KIFC3: variants seen among roughly 807,000 people sequenced by gnomAD.
KIFC3 encodes the protein kinesin family member C3.
In KIFC3, 60 loss-of-function variants were observed where a neutral mutation model predicts 101.8. The observed-to-expected ratio is 0.59, with a 90% CI of 0.48 to 0.73. The LOEUF is 0.73. Ranked by LOEUF, KIFC3 falls within the 30% of genes least tolerant of loss-of-function variation. The probability of loss-of-function intolerance (pLI) is 0.00; values close to 1 mark genes in which losing one functional copy is unlikely to be tolerated. For synonymous variants in KIFC3, 476 were observed against 482.7 expected, an observed-to-expected ratio of 0.99 and a Z score of 0.18; for missense variants, 966 against 1,137.1, an observed-to-expected ratio of 0.85 and a Z score of 2.16.
chr16:57,805,927 C>T (rs927509862), upstream of KIFC3, among the ~76,000 whole-genome samples: 7 of 152,078 alleles, frequency 4.6e-5, no homozygotes, highest in South Asian at 4.1e-4. Context: ...TTAGTAGAGA[C>T]GGGGTTTTGC....
chr16:57,830,700 G>A (rs946681046), intron 1 of KIFC3: 1 of 152,200 alleles, frequency 6.6e-6, no homozygotes, highest in African/African-American at 2.4e-5. Context: ...AAGGATGGTA[G>A]TGAGAATTGG....
intron 1 of KIFC3, among the ~76,000 whole-genome samples, chr16:57,825,539 A>G (rs2055440833): frequency 6.6e-6 from 1 of 152,146 alleles, no homozygotes; most frequent in Non-Finnish European, 1.5e-5. Context: ...CACCTTCCTA[A>G]TTTAGAGTGG....
intron 3 of KIFC3, among the ~76,000 whole-genome samples, chr16:57,789,817 A>C (rs2053693986): frequency 6.6e-6 from 1 of 151,372 alleles, no homozygotes; most frequent in African/African-American, 2.4e-5. Context: ...GCTCACTGCA[A>C]TCTCTGCCTC....
chr16:57,771,628 C>A lies in KIFC3; in HGVS notation c.440G>T (p.Arg147Met). ...DLLMVENERL[R>M]QEMRRCEAEL... is the part of the protein sequence containing the mutation. ...GGCCTCACAGCGCCGCATCTCCTGC[C>A]TCAGTCGCTCATTCTCCACCATCAG... Residue 147 changes from arginine to methionine, a missense_variant, in exon 5 of 20, where the codon AGG (arginine) becomes ATG (methionine). Around this residue, in one of 2 missense-constraint regions of KIFC3, gnomAD observed 277 missense variants for 252.5 expected, o/e 1.10. Coordinates refer to ENST00000445690, the MANE Select transcript of KIFC3 (RefSeq NM_001130100.2). 1 of 1,613,322 alleles carries A rather than the reference C, an allele frequency of 6.2e-7. No individual in the cohort carries two copies. The highest frequency in any genetic ancestry group is 8.5e-7 in the Non-Finnish European group (1 of 1,179,946).
At chr16:57,835,716 G>A (rs80092731) in intron 1 of KIFC3, among the ~76,000 whole-genome samples, 8,125 of 152,206 alleles carry the variant, frequency 0.053, 506 homozygotes, top group East Asian at 0.21. Context: ...TCGGGAGGCC[G>A]AGGCAGGCAG....
chr16:57,797,741 C>T lies in KIFC3; in HGVS notation c.172+331G>A, dbSNP rs2149216192. On this transcript the variant is annotated intron_variant, in intron 2 of 19. Coordinates refer to ENST00000445690, the MANE Select transcript of KIFC3 (RefSeq NM_001130100.2). ...GCCTGGGCAGAGACCGGAGCTAGCC[C>T]ACACGCTCTTGGCCAAGGACGGCAG... The T allele has an allele frequency of 2.4e-6, 3 of 1,242,032 alleles. No individual in the cohort carries two copies. The East Asian group carries it at 1.4e-4, about 59-fold the overall frequency. The allele number at this position is 1,242,032 out of a possible 1,614,324, so 76.9% of individuals were successfully genotyped here.
At chr16:57,776,376 T>G in intron 3 of KIFC3, 1 of 985,196 alleles carries the variant, frequency 1.0e-6, no homozygotes, top group Non-Finnish European at 1.2e-6. Context: ...CTGCCTCTGT[T>G]GCCAAGTCTT....
Position 57,770,668 on chromosome 16 carries a change from G to T in KIFC3, c.798C>A (p.Ser266=). 6.5e-7 allele frequency: 1 copy of T among 1,547,808 alleles called. No homozygotes were observed. Among genetic ancestry groups the T allele is most frequent in the Non-Finnish European group, 8.7e-7 (1 of 1,146,778 alleles). ...YVIKTVEVES[S]KTKQALSESQ... Reference sequence around the variant, plus strand: ...ACTCGCTGAGGGCCTGCTTGGTCTTGGACGACTCCACCTCCACTGTCTTGA... The same window carrying T: ...ACTCGCTGAGGGCCTGCTTGGTCTTTGACGACTCCACCTCCACTGTCTTGA... Residue 266 remains serine (S), a synonymous_variant, in exon 7 of 20, where the codon TCC becomes TCA. Transcript: ENST00000445690.
chr16:57,764,092 C>A (rs1388457322), intron 12 of KIFC3, 51 bp downstream of exon 12: 7 of 1,311,064 alleles, frequency 5.3e-6, no homozygotes, highest in African/African-American at 1.4e-5. Context: ...AGGGAGCCCG[C>A]ATTCCCTTCA....
intron 1 of KIFC3, among the ~76,000 whole-genome samples, chr16:57,814,422 T>C (rs2055169288): frequency 6.6e-6 from 1 of 152,166 alleles, no homozygotes; most frequent in South Asian, 2.1e-4. Context: ...GCTGTGTGAC[T>C]TAGGGTAAGT....
At chr16:57,804,928 G>A (rs1470562661), upstream of KIFC3, among the ~76,000 whole-genome samples, 1 of 149,378 alleles carries the variant, frequency 6.7e-6, no homozygotes, top group Non-Finnish European at 1.5e-5. Context: ...TTTTTGAGAC[G>A]GGGGCTCGCT....
At position 57,759,744 on chromosome 16, in the gene KIFC3, C is replaced by T; in HGVS notation, c.2460G>A (p.Arg820=). 1.2e-6 allele frequency: 2 copies of T among 1,610,646 alleles called. No homozygotes were observed. Among genetic ancestry groups the T allele is most frequent in the Non-Finnish European group, 1.7e-6 (2 of 1,178,578 alleles). ...GTSSRPGSIR[R]KLQPSA is the part of the protein sequence containing the mutation. Reference sequence around the variant, plus strand: ...CAGGCTCACCCGAGGGCTGCAGCTTCCTCCGGATGGATCCAGGGCGGCTAC... The same window carrying T: ...CAGGCTCACCCGAGGGCTGCAGCTTTCTCCGGATGGATCCAGGGCGGCTAC... The change falls in exon 18 of 20, where the codon AGG becomes AGA. Residue 820 remains arginine, a synonymous_variant. Coordinates refer to ENST00000445690, the MANE Select transcript of KIFC3 (RefSeq NM_001130100.2).
chr16:57,830,981 A>G (rs1197873584), intron 1 of KIFC3, among the ~76,000 whole-genome samples: 1 of 152,226 alleles, frequency 6.6e-6, no homozygotes, highest in African/African-American at 2.4e-5. Context: ...TGCTAATGAA[A>G]GGAGAGCCTC....
Position 57,802,239 on chromosome 16 carries a change from C to A in KIFC3, c.-40+131G>T. On this transcript the variant is annotated intron_variant, in intron 1 of 19. Coordinates refer to ENST00000445690, the MANE Select transcript of KIFC3 (RefSeq NM_001130100.2). This position sits in a 1 kb window ranked among gnomAD's most constrained non-coding sequence, Gnocchi z 5.0. ...GCTGGGTCTCCCGGGCCTTTCCCTC[C>A]CCGCGCCCATAGCGGGTCCGGGCAG... is the stretch of plus-strand genomic sequence containing the variant. 2.6e-6 allele frequency: 1 copy of A among 381,454 alleles called. No homozygotes were observed. The highest frequency in any genetic ancestry group is 3.6e-6 in the Non-Finnish European group (1 of 277,520). 23.6% of individuals were successfully genotyped at this position (381,454 alleles called of 1,614,324 possible).
Position 57,761,154 on chromosome 16 carries a change from G to A in KIFC3, c.1890C>T (p.His630=), listed in dbSNP as rs1555597003. Residue 630 remains histidine (H), a synonymous_variant, in exon 15 of 20, where the codon CAC becomes CAT. Coordinates refer to ENST00000445690, the MANE Select transcript of KIFC3 (RefSeq NM_001130100.2). ...DDINKVFEFG[H]TNRTTEFTNL... ...TGGTGAACTCGGTCGTGCGATTAGT[G>A]TGGCCAAACTCAAACACCTGGGGGA... 2 of 1,613,856 alleles carry A rather than the reference G, an allele frequency of 1.2e-6. No homozygotes were observed. Among genetic ancestry groups the A allele is most frequent in the African/African-American group, 1.3e-5 (1 of 74,934 alleles).
chr16:57,856,464 AAAGG>A (rs768384775), intron 1 of KIFC3, among the ~76,000 whole-genome samples: 19 of 143,622 alleles, frequency 1.3e-4, no homozygotes, highest in South Asian at 5.1e-4. Context: ...CTAAAAAAAG[AAAGG>A]AAGGAAGGAA....
chr16:57,773,138 G>A (rs185673717), intron 3 of KIFC3, among the ~76,000 whole-genome samples: 7 of 152,310 alleles, frequency 4.6e-5, no homozygotes, highest in Admixed American at 2.0e-4. Context: ...TCCAGCTTCC[G>A]TCAGGGCATG....
chr16:57,843,314 T>C (rs578112230), intron 1 of KIFC3, among the ~76,000 whole-genome samples: 1 of 152,268 alleles, frequency 6.6e-6, no homozygotes, highest in Non-Finnish European at 1.5e-5. Flanking sequence ...AGTCAGAATA[T>C]GAACACTGAC....
intron 1 of KIFC3, among the ~76,000 whole-genome samples, chr16:57,837,554 G>GAAAGA (rs1555480639): frequency 1.6e-3 from 163 of 100,012 alleles, no homozygotes; most frequent in African/African-American, 5.0e-3. Flanking sequence ...AGGAAGGAAG[G>GAAAGA]AAGAAAGAAA....
Sources: gnomAD v4.1 joint callset for allele counts (sites outside exome capture counted in the v4.1 genomes callset) on GRCh38, gnomAD v4.1.1 for gene constraint, gnomAD v4.1.1 regional missense constraint, Gnocchi (gnomAD v3.1) non-coding constraint, MANE v1.5 for transcripts, NCBI Gene and HGNC (gene_info 2026-07-23, HGNC 2026-07-21) for gene names.